The following NFIB variants were observed in gnomAD, a reference collection of about 807,000 sequenced individuals.
NFIB encodes nuclear factor 1 B-type.
In NFIB, 11 loss-of-function variants were observed where a neutral mutation model predicts 61.5. The observed-to-expected ratio is 0.18, with a 90% CI of 0.11 to 0.30. The LOEUF is 0.30. Ranked by LOEUF, NFIB falls within the 10% of genes least tolerant of loss-of-function variation. NFIB has a pLI of 1.00. For missense variants in NFIB, 471 were observed against 608.9 expected, an observed-to-expected ratio of 0.77 and a Z score of 2.38; for synonymous variants, 260 against 216.5, an observed-to-expected ratio of 1.20 and a Z score of -1.76.
At chr9:14,237,436 T>C (rs184925752) in intron 2 of NFIB, among the ~76,000 whole-genome samples, 1 of 152,300 alleles carries the variant, frequency 6.6e-6, no homozygotes, top group Admixed American at 6.5e-5. Flanking sequence ...AGGGAAAAGC[T>C]TGGCCACCTA....
chr9:14,276,352 G>T (rs1295139631), intron 2 of NFIB, among the ~76,000 whole-genome samples: 6 of 152,236 alleles, frequency 3.9e-5, no homozygotes, highest in East Asian at 3.9e-4. Flanking sequence ...TTAAACAAAA[G>T]ATAAAGGTGC....
the NFIB span, among the ~76,000 whole-genome samples, chr9:14,453,150 C>T: frequency 1.4e-4 from 21 of 152,344 alleles, no homozygotes; most frequent in Non-Finnish European, 2.9e-4. Flanking sequence ...TTAAAGGACA[C>T]TTGGTCTTCT....
the NFIB span, among the ~76,000 whole-genome samples, chr9:14,415,096 T>G: frequency 6.6e-6 from 1 of 152,328 alleles, no homozygotes; most frequent in African/African-American, 2.4e-5. Context: ...CAGGCTGCAT[T>G]CTCACAGGCA....
At chr9:14,428,632 T>C in the NFIB span, among the ~76,000 whole-genome samples, 2 of 152,240 alleles carry the variant, frequency 1.3e-5, no homozygotes. Flanking sequence ...ACAGGATTTA[T>C]GTGGCTTCAT....
chr9:14,385,174 G>A (rs984592897), intron 1 of NFIB, among the ~76,000 whole-genome samples: 1 of 152,130 alleles, frequency 6.6e-6, no homozygotes, highest in Non-Finnish European at 1.5e-5. Flanking sequence ...CAAAACTCCT[G>A]TGGGGGTTTG....
chr9:14,203,160 CCCA>C lies in NFIB; in HGVS notation c.563-23383_563-23381del, dbSNP rs1356686371. 4.8e-5 allele frequency among the ~76,000 whole-genome samples: 7 copies of C among 145,068 alleles called. No individual in the cohort carries two copies. The South Asian group carries it at 1.3e-3, about 28-fold the overall frequency. ...GCTTTAGAAGCCAAAGGAGACAGCC[CCCA>C]CATTTTTTTTTTCCTAAAGCAATTG... is the stretch of plus-strand genomic sequence containing the variant. On this transcript the variant is annotated intron_variant, in intron 2 of 10. Transcript: ENST00000380953.
the NFIB span, among the ~76,000 whole-genome samples, chr9:14,518,160 A>G: frequency 1.3e-5 from 2 of 152,232 alleles, no homozygotes; most frequent in African/African-American, 2.4e-5. Context: ...GGAAATATGG[A>G]TGGCCTAAAT....
chr9:14,335,627 C>T (rs2060877851), intron 1 of NFIB, among the ~76,000 whole-genome samples: 1 of 152,146 alleles, frequency 6.6e-6, no homozygotes, highest in South Asian at 2.1e-4. Context: ...TTTTCTGCCA[C>T]ACTGTGGTTT....
intron 2 of NFIB, among the ~76,000 whole-genome samples, chr9:14,197,611 G>GA (rs2048604136): frequency 6.6e-6 from 1 of 152,120 alleles, no homozygotes; most frequent in African/African-American, 2.4e-5. Flanking sequence ...GGGAGCTTAA[G>GA]AAAAAATATG....
rs558919135 is a variant in NFIB at position 14,183,843 on chromosome 9, T to G, written c.563-4063A>C. Among the ~76,000 whole-genome samples, 8 of 152,274 alleles carry G rather than the reference T, an allele frequency of 5.3e-5. No individual in the cohort carries two copies. In the South Asian group the frequency reaches 1.7e-3, roughly 32 times the overall value. On this transcript the variant is annotated intron_variant, in intron 2 of 10. Coordinates refer to ENST00000380953, the MANE Select transcript of NFIB (RefSeq NM_001190737.2). ...TCTCAATCTCTATTTTCCCCATTCT[T>G]TAAGTGTGGGTTTCATGTTCCCCAT...
chr9:14,234,849 A>T, intron 2 of NFIB, among the ~76,000 whole-genome samples: 1 of 143,354 alleles, frequency 7.0e-6, no homozygotes, highest in Non-Finnish European at 1.5e-5. Context: ...ATACGTTTTT[A>T]AAAACCAGAT....
intron 2 of NFIB, among the ~76,000 whole-genome samples, chr9:14,243,793 G>A (rs370127869): frequency 3.3e-5 from 5 of 152,164 alleles, no homozygotes; most frequent in African/African-American, 1.2e-4. Context: ...ACCCTAAGCT[G>A]CATGACATCA....
the NFIB span, among the ~76,000 whole-genome samples, chr9:14,418,848 T>C: frequency 6.6e-6 from 1 of 152,220 alleles, no homozygotes; most frequent in African/African-American, 2.4e-5. Flanking sequence ...AAAAATGGTA[T>C]ATGCATAAGT....
chr9:14,526,879 C>T, the NFIB span, among the ~76,000 whole-genome samples: 1 of 152,242 alleles, frequency 6.6e-6, no homozygotes, highest in East Asian at 1.9e-4. Flanking sequence ...CAAAAAAGAA[C>T]TGGAAAAGAG....
At chr9:14,290,921 G>A (rs10810123) in intron 2 of NFIB, among the ~76,000 whole-genome samples, 36,181 of 151,826 alleles carry the variant, frequency 0.24, 4,931 homozygotes, top group Middle Eastern at 0.36. Flanking sequence ...TCTATTGATT[G>A]TGGTTTCCTG....
At chr9:14,510,450 CAA>C in the NFIB span, among the ~76,000 whole-genome samples, 1 of 152,110 alleles carries the variant, frequency 6.6e-6, no homozygotes, top group African/African-American at 2.4e-5. Context: ...GTGTGTATGA[CAA>C]AAGTTTTGTT....
the NFIB span, among the ~76,000 whole-genome samples, chr9:14,428,337 G>C: frequency 0.012 from 1,823 of 152,236 alleles, 20 homozygotes; most frequent in Middle Eastern, 0.041. Context: ...AGTGAGGTGT[G>C]TGAGTTGAAT....
intron 10 of NFIB, chr9:14,096,596 A>G (rs1272826130): frequency 1.3e-5 from 2 of 152,140 alleles, no homozygotes; most frequent in African/African-American, 4.8e-5. Flanking sequence ...ATTGATTCCT[A>G]TGGTCCATTG....
intron 2 of NFIB, among the ~76,000 whole-genome samples, chr9:14,292,275 G>C (rs1481099109): frequency 2.0e-5 from 3 of 152,092 alleles, no homozygotes; most frequent in African/African-American, 7.2e-5. Flanking sequence ...AAGATCTGTA[G>C]GGATTTTCCC....
Sources: gnomAD v4.1 joint callset for allele counts (sites outside exome capture counted in the v4.1 genomes callset) on GRCh38, gnomAD v4.1.1 for gene constraint, MANE v1.5 for transcripts, NCBI Gene and HGNC (gene_info 2026-07-23, HGNC 2026-07-21) for gene names.